HNMT: variants seen among roughly 807,000 people sequenced by gnomAD.
HNMT encodes the protein histamine N-methyltransferase.
A neutral mutation model predicts 32.1 loss-of-function variants in HNMT; 30 were observed. The observed-to-expected ratio is 0.93, with a 90% CI of 0.70 to 1.27. The LOEUF is 1.27. HNMT is among the 50% of genes most tolerant of loss of function. The probability of loss-of-function intolerance (pLI) is 0.00; values close to 1 mark genes in which losing one functional copy is unlikely to be tolerated. For missense variants in HNMT, 327 were observed against 346.0 expected (o/e 0.95, Z 0.43); for synonymous variants, 125 against 119.0 (o/e 1.05, Z -0.33).
chr2:137,979,858 T>C (rs1457514587), intron 2 of HNMT, among the ~76,000 whole-genome samples: 1 of 152,124 alleles, frequency 6.6e-6, no homozygotes, highest in Non-Finnish European at 1.5e-5. Context: ...TATTAATTTT[T>C]AGCCAGAGAG....
chr2:137,970,933 A>AAAAGAAAGAAAG (rs779617692), intron 2 of HNMT, among the ~76,000 whole-genome samples: 13 of 86,682 alleles, frequency 1.5e-4, no homozygotes, highest in African/African-American at 5.8e-4. Context: ...AAAAAAAAAA[A>AAAAGAAAGAAAG]AAAGAAAGAA....
chr2:137,997,457 T>C (rs1681031642), intron 2 of HNMT, among the ~76,000 whole-genome samples: 1 of 151,922 alleles, frequency 6.6e-6, no homozygotes, highest in Middle Eastern at 3.2e-3. Context: ...GAAATGCAAA[T>C]CAAAACCACC....
At chr2:137,970,056 G>C (rs1680074845) in intron 1 of HNMT, 109 bp from the exon 2 acceptor site, 1 of 577,928 alleles carries the variant, frequency 1.7e-6, no homozygotes, top group African/African-American at 1.9e-5. Flanking sequence ...TGTTGGCCTA[G>C]TTTTCATTCA....
intron 2 of HNMT, 47 bp from the exon 3 acceptor site, chr2:138,000,871 A>C: frequency 9.5e-7 from 1 of 1,049,420 alleles, no homozygotes; most frequent in Non-Finnish European, 1.4e-6. Flanking sequence ...GTTTTTAATC[A>C]TTTCTTGCTG....
chr2:137,981,350 C>A, intron 2 of HNMT: 5 of 1,612,728 alleles, frequency 3.1e-6, no homozygotes, highest in Non-Finnish European at 4.2e-6. Flanking sequence ...TGGAGCTGCC[C>A]GTTTAGAAAG....
At chr2:138,008,711 C>G (rs967483936) in intron 5 of HNMT, among the ~76,000 whole-genome samples, 2 of 152,008 alleles carry the variant, frequency 1.3e-5, no homozygotes, top group Non-Finnish European at 2.9e-5. Flanking sequence ...GGTGGGATAA[C>G]TGGCTAGCCA....
chr2:137,990,218 G>A (rs1309882946), intron 2 of HNMT, among the ~76,000 whole-genome samples: 1 of 152,138 alleles, frequency 6.6e-6, no homozygotes, highest in Non-Finnish European at 1.5e-5. Context: ...ACAGTTTTAT[G>A]TTTTACACAT....
At chr2:137,965,689 G>A (rs1679935636) in intron 1 of HNMT, among the ~76,000 whole-genome samples, 1 of 152,034 alleles carries the variant, frequency 6.6e-6, no homozygotes, top group South Asian at 2.1e-4. Context: ...TTCTTACCTA[G>A]GAACTAATTA....
chr2:138,009,910 A>G (rs1300728937), intron 5 of HNMT, among the ~76,000 whole-genome samples: 4 of 151,934 alleles, frequency 2.6e-5, no homozygotes, highest in African/African-American at 9.7e-5. Context: ...TTTAAACCCC[A>G]TTTTTCATTT....
chr2:137,985,432 T>C (rs938245617), intron 2 of HNMT, among the ~76,000 whole-genome samples: 1 of 152,228 alleles, frequency 6.6e-6, no homozygotes, highest in African/African-American at 2.4e-5. Context: ...CTTCACATCC[T>C]ACCCTTTAAA....
At chr2:137,994,177 C>A (rs1680911905) in intron 2 of HNMT, among the ~76,000 whole-genome samples, 1 of 152,108 alleles carries the variant, frequency 6.6e-6, no homozygotes. Flanking sequence ...ATGATACTAA[C>A]CTTAAATGTA....
intron 2 of HNMT, among the ~76,000 whole-genome samples, chr2:137,976,243 G>C (rs1283415605): frequency 6.7e-6 from 1 of 149,078 alleles, no homozygotes; most frequent in East Asian, 2.0e-4. Context: ...TCCAGCCTGG[G>C]GGACAGAGCA....
chr2:138,006,365 G>T (rs1183063412), intron 5 of HNMT, among the ~76,000 whole-genome samples: 1 of 151,948 alleles, frequency 6.6e-6, no homozygotes, highest in Non-Finnish European at 1.5e-5. Flanking sequence ...ATTGTAGACG[G>T]AAATAACAAT....
At chr2:138,011,394 T>C (rs1183750631) in intron 5 of HNMT, among the ~76,000 whole-genome samples, 1 of 152,142 alleles carries the variant, frequency 6.6e-6, no homozygotes, top group African/African-American at 2.4e-5. Flanking sequence ...TTATTCTTTC[T>C]GCTTCATTCC....
intron 2 of HNMT, among the ~76,000 whole-genome samples, chr2:137,972,533 C>A (rs1208244218): frequency 1.3e-5 from 2 of 151,750 alleles, no homozygotes; most frequent in Non-Finnish European, 2.9e-5. Context: ...AAATAGAAAC[C>A]AACAAAGACA....
chr2:138,005,960 A>C (rs1284081891), intron 5 of HNMT, among the ~76,000 whole-genome samples: 1 of 151,984 alleles, frequency 6.6e-6, no homozygotes, highest in Non-Finnish European at 1.5e-5. Flanking sequence ...CTAAGGTTAC[A>C]CCAGACCCCA....
rs1012181167 is a variant in HNMT at position 138,002,170 on chromosome 2, G to C, written c.405G>C (p.Lys135Asn). The change falls in exon 4 of 6, where the codon AAG (lysine) becomes AAC (asparagine). Residue 135 changes from lysine (K) to asparagine (N), a missense_variant. Lys to Asn is a moderately conservative substitution (Grantham distance 94, BLOSUM62 0). Transcript: ENST00000280097. ...TGTTGGAGAAAAAGGAGCTTCAAAA[G>C]TGGGACTTTATTCATATGATTCAAG... Reference protein sequence around the residue: ...SRMLEKKELQKWDFIHMIQML... With the variant: ...SRMLEKKELQNWDFIHMIQML... 1.3e-6 allele frequency: 2 copies of C among 1,586,496 alleles called. No individual in the cohort carries two copies. Among genetic ancestry groups the C allele is most frequent in the African/African-American group, 2.7e-5 (2 of 74,110 alleles).
intron 2 of HNMT, among the ~76,000 whole-genome samples, chr2:137,970,611 C>T (rs1680091453): frequency 6.6e-6 from 1 of 152,064 alleles, no homozygotes; most frequent in South Asian, 2.1e-4. Context: ...GTTATTGGTC[C>T]ATGTGAAGAT....
At chr2:137,996,758 C>G (rs934700724) in intron 2 of HNMT, among the ~76,000 whole-genome samples, 1 of 152,220 alleles carries the variant, frequency 6.6e-6, no homozygotes, top group African/African-American at 2.4e-5. Flanking sequence ...ATCATGCCAC[C>G]TGACTTCAAA....
Sources: gnomAD v4.1 joint callset for allele counts (sites outside exome capture counted in the v4.1 genomes callset) on GRCh38, gnomAD v4.1.1 for gene constraint, MANE v1.5 for transcripts, NCBI Gene and HGNC (gene_info 2026-07-23, HGNC 2026-07-21) for gene names.